The following SOX5 variants were observed in gnomAD, a reference collection of about 807,000 sequenced individuals.
SOX5 encodes SRY-box transcription factor 5.
SOX5 carries 9 observed loss-of-function variants against 92.0 expected under a neutral mutation model. The observed-to-expected ratio is 0.10, with a 90% confidence interval of 0.06 to 0.17. The LOEUF is 0.17. Ranked by LOEUF, SOX5 falls within the 10% of genes least tolerant of loss-of-function variation. The probability of loss-of-function intolerance (pLI) is 1.00; values close to 1 mark genes in which losing one functional copy is unlikely to be tolerated. For missense variants in SOX5, 642 were observed against 944.5 expected (o/e 0.68, Z 4.20); for synonymous variants, 344 against 336.3 (o/e 1.02, Z -0.25).
intron 4 of SOX5, among the ~76,000 whole-genome samples, chr12:24,116,788 T>A (rs1452142317): frequency 6.6e-6 from 1 of 152,176 alleles, no homozygotes; most frequent in Non-Finnish European, 1.5e-5. Context: ...TGCTCTGTAT[T>A]GTTTAATTTT....
chr12:24,420,555 T>G (rs952650852), intron 1 of SOX5, among the ~76,000 whole-genome samples: 3 of 152,160 alleles, frequency 2.0e-5, no homozygotes, highest in African/African-American at 7.2e-5. Context: ...AGGAAGCTAA[T>G]TCATTATTTT....
chr12:23,924,822 G>GAA (rs372320346), intron 1 of SOX5, among the ~76,000 whole-genome samples: 2 of 150,520 alleles, frequency 1.3e-5, no homozygotes, highest in African/African-American at 4.9e-5. Flanking sequence ...ATTTTTAACT[G>GAA]AAAAAAAAAG....
At chr12:23,621,319 T>A (rs545428319) in intron 8 of SOX5, among the ~76,000 whole-genome samples, 1 of 152,032 alleles carries the variant, frequency 6.6e-6, no homozygotes, top group African/African-American at 2.4e-5. Context: ...TAGGAAATAA[T>A]TGATAAATAC....
chr12:23,819,465 A>T (rs1041941670), intron 3 of SOX5, among the ~76,000 whole-genome samples: 2 of 152,158 alleles, frequency 1.3e-5, no homozygotes, highest in Non-Finnish European at 2.9e-5. Flanking sequence ...TCTGGGATAC[A>T]TGTGCAGAAT....
chr12:24,128,098 A>G (rs1041655344), intron 4 of SOX5, among the ~76,000 whole-genome samples: 5 of 152,166 alleles, frequency 3.3e-5, no homozygotes, highest in African/African-American at 4.8e-5. Flanking sequence ...GTTTATTGTT[A>G]TCTTTTGTTT....
chr12:24,342,228 T>A (rs1952660149), intron 2 of SOX5, among the ~76,000 whole-genome samples: 1 of 152,280 alleles, frequency 6.6e-6, no homozygotes, highest in South Asian at 2.1e-4. Flanking sequence ...AGAAATGAAA[T>A]GTTTCTTTGA....
At position 23,988,475 on chromosome 12, in the gene SOX5, G is replaced by T. The variant is rs10505922; in HGVS notation, c.-1-92451C>A. ...CTAATGCTTTCAGTATTTTGTATTC[G>T]CTTCTTTGGATCATAAGAGATATGT... On this transcript the variant is annotated intron_variant, in intron 4 of 4. Coordinates refer to the SOX5 transcript ENST00000446891. 1.5e-3 allele frequency among the ~76,000 whole-genome samples: 229 copies of T among 152,202 alleles called. 1 individual carries two copies. Among genetic ancestry groups the T allele is most frequent in the African/African-American group, 5.3e-3 (219 of 41,536 alleles).
intron 3 of SOX5, among the ~76,000 whole-genome samples, chr12:23,838,379 T>C (rs1386875717): frequency 6.6e-6 from 1 of 151,588 alleles, no homozygotes; most frequent in Admixed American, 6.6e-5. Flanking sequence ...AGTTATTAAA[T>C]AAACGTTCTT....
intron 1 of SOX5, among the ~76,000 whole-genome samples, chr12:23,897,218 T>G (rs970270982): frequency 2.6e-5 from 4 of 152,256 alleles, no homozygotes; most frequent in Admixed American, 2.0e-4. Context: ...TTCCTTCATA[T>G]AGATCACTGA....
intron 4 of SOX5, among the ~76,000 whole-genome samples, chr12:24,022,921 TA>T (rs5797057): frequency 0.53 from 79,226 of 148,318 alleles, 20,980 homozygotes; most frequent in East Asian, 0.69. Flanking sequence ...TGACCATGGG[TA>T]AAAAAAAAAA....
chr12:23,918,771 G>C (rs1021413483), intron 1 of SOX5, among the ~76,000 whole-genome samples: 2 of 152,068 alleles, frequency 1.3e-5, no homozygotes, highest in Non-Finnish European at 2.9e-5. Flanking sequence ...ACAAAAATTA[G>C]CCAGGCGTGG....
At chr12:24,049,189 T>C (rs1041534577) in intron 4 of SOX5, among the ~76,000 whole-genome samples, 6 of 152,218 alleles carry the variant, frequency 3.9e-5, no homozygotes, top group African/African-American at 1.4e-4. Flanking sequence ...TTTTCTTCTA[T>C]CATTTTCCCT....
intron 4 of SOX5, among the ~76,000 whole-genome samples, chr12:23,968,481 G>A (rs1386479459): frequency 6.6e-6 from 1 of 152,140 alleles, no homozygotes; most frequent in Non-Finnish European, 1.5e-5. Context: ...TGCTGTCATC[G>A]TGGGAGTGGG....
intron 4 of SOX5, among the ~76,000 whole-genome samples, chr12:23,748,297 G>C (rs2094063606): frequency 6.6e-6 from 1 of 151,868 alleles, no homozygotes; most frequent in African/African-American, 2.4e-5. Flanking sequence ...ACCATTTGTT[G>C]AGTGAATAAA....
At chr12:24,121,578 T>TC in intron 4 of SOX5, among the ~76,000 whole-genome samples, 1 of 149,588 alleles carries the variant, frequency 6.7e-6, no homozygotes, top group East Asian at 2.0e-4. Flanking sequence ...TTTTTTTTTT[T>TC]TTTTTTTTTT....
At chr12:24,348,226 A>G (rs575608) in intron 2 of SOX5, among the ~76,000 whole-genome samples, 51,029 of 151,698 alleles carry the variant, frequency 0.34, 9,861 homozygotes, top group East Asian at 0.78. Flanking sequence ...TAAGACACAG[A>G]GTCTTTGGAA....
At chr12:23,988,580 T>C (rs1041098175) in intron 4 of SOX5, among the ~76,000 whole-genome samples, 2 of 152,174 alleles carry the variant, frequency 1.3e-5, no homozygotes, top group Non-Finnish European at 2.9e-5. Context: ...TAGAAAACCA[T>C]AAATAAGCAA....
At chr12:24,071,457 C>T (rs913850859) in intron 4 of SOX5, among the ~76,000 whole-genome samples, 5 of 152,028 alleles carry the variant, frequency 3.3e-5, no homozygotes, top group East Asian at 1.9e-4. Context: ...ATTTTTGAGA[C>T]GGAGTCTCAC....
chr12:23,616,157 C>T (rs543601628), intron 8 of SOX5, among the ~76,000 whole-genome samples: 1 of 152,166 alleles, frequency 6.6e-6, no homozygotes, highest in Non-Finnish European at 1.5e-5. Context: ...ACATTGACGA[C>T]TTTCATTAAC....
Sources: gnomAD v4.1 joint callset for allele counts (sites outside exome capture counted in the v4.1 genomes callset) on GRCh38, gnomAD v4.1.1 for gene constraint, MANE v1.5 for transcripts, NCBI Gene and HGNC (gene_info 2026-07-23, HGNC 2026-07-21) for gene names.